NEK11: variants seen among roughly 807,000 people sequenced by gnomAD.
NEK11 encodes NIMA related kinase 11, also known as serine/threonine-protein kinase Nek11.
In NEK11, 72 loss-of-function variants were observed where a neutral mutation model predicts 80.7. The observed-to-expected ratio is 0.89, with a 90% CI of 0.74 to 1.08. NEK11 has a LOEUF of 1.08. Ranked by LOEUF, NEK11 falls within the 50% of genes least tolerant of loss-of-function variation. NEK11 has a pLI of 0.00. For synonymous variants in NEK11, 251 were observed against 260.7 expected, an observed-to-expected ratio of 0.96 and a Z score of 0.36; for missense variants, 764 against 763.6, an observed-to-expected ratio of 1.00 and a Z score of -0.01.
rs140489177 is a variant in NEK11 at position 131,042,725 on chromosome 3, G to A, written c.170+12847G>A. On this transcript the variant is annotated intron_variant, in intron 3 of 17. Transcript: ENST00000383366. Reference sequence around the variant, plus strand: ...CGTTCCTGCCTGCTGACTCTGAAGAGAGCAGCAGATTTCCCAGCACAGCAC... The same window carrying A: ...CGTTCCTGCCTGCTGACTCTGAAGAAAGCAGCAGATTTCCCAGCACAGCAC... 8.1e-3 allele frequency among the ~76,000 whole-genome samples: 1,239 copies of A among 152,302 alleles called. 22 individuals are homozygous for A. Among genetic ancestry groups the A allele is most frequent in the African/African-American group, 0.028 (1,171 of 41,566 alleles).
At chr3:131,071,452 T>G (rs1560262000) in intron 3 of NEK11, among the ~76,000 whole-genome samples, 2 of 151,884 alleles carry the variant, frequency 1.3e-5, no homozygotes, top group East Asian at 3.8e-4. Context: ...TGGCGAATCA[T>G]CCATTCCCCT....
intron 17 of NEK11, among the ~76,000 whole-genome samples, chr3:131,308,157 T>C (rs1227233195): frequency 1.3e-5 from 2 of 152,200 alleles, no homozygotes; most frequent in Admixed American, 1.3e-4. Context: ...CACCTCTTAA[T>C]CAAGGAGTGT....
intron 7 of NEK11, among the ~76,000 whole-genome samples, chr3:131,143,713 TATA>T (rs2087490231): frequency 6.6e-6 from 1 of 152,068 alleles, no homozygotes; most frequent in Non-Finnish European, 1.5e-5. Flanking sequence ...AAAATTGCTA[TATA>T]ATATTGTTCC....
At chr3:131,180,805 A>G (rs2150161487) in intron 14 of NEK11, among the ~76,000 whole-genome samples, 1 of 152,354 alleles carries the variant, frequency 6.6e-6, no homozygotes, top group Non-Finnish European at 1.5e-5. Flanking sequence ...GAGGTGTTCA[A>G]ATGTGCAATA....
chr3:131,229,439 C>T (rs371922798), intron 15 of NEK11, among the ~76,000 whole-genome samples: 4 of 152,032 alleles, frequency 2.6e-5, no homozygotes, highest in Non-Finnish European at 4.4e-5. Flanking sequence ...TCCTAAACTT[C>T]CATGAGTTAC....
At chr3:131,109,756 T>G (rs889862729) in intron 4 of NEK11, 47 bp from the exon 5 acceptor site, 2 of 1,536,004 alleles carry the variant, frequency 1.3e-6, no homozygotes, top group Non-Finnish European at 1.7e-6. Flanking sequence ...AACTTGATTT[T>G]AACATATTAG....
intron 14 of NEK11, among the ~76,000 whole-genome samples, chr3:131,179,588 T>G (rs2093234103): frequency 6.6e-6 from 1 of 152,224 alleles, no homozygotes; most frequent in Non-Finnish European, 1.5e-5. Flanking sequence ...TAACAATGTA[T>G]TATAAATAGA....
chr3:131,338,173 G>T (rs2097219741), intron 17 of NEK11, among the ~76,000 whole-genome samples: 2 of 151,682 alleles, frequency 1.3e-5, no homozygotes, highest in Non-Finnish European at 1.5e-5. Context: ...CACCATATTG[G>T]CCAGGATGGT....
chr3:131,080,705 C>T (rs1457741418), intron 4 of NEK11, 117 bp downstream of exon 4: 2 of 813,368 alleles, frequency 2.5e-6, no homozygotes, highest in Non-Finnish European at 1.9e-6. Context: ...CTGTAAAGAC[C>T]TGGGATCCCA....
At chr3:131,211,794 C>A (rs2094627105) in intron 14 of NEK11, among the ~76,000 whole-genome samples, 1 of 152,162 alleles carries the variant, frequency 6.6e-6, no homozygotes, top group African/African-American at 2.4e-5. Context: ...TCACGTAGTT[C>A]TTGTGCCATG....
intron 17 of NEK11, among the ~76,000 whole-genome samples, chr3:131,320,118 T>C (rs577449816): frequency 6.6e-6 from 1 of 152,210 alleles, no homozygotes; most frequent in African/African-American, 2.4e-5. Context: ...TTATCAAAAC[T>C]GTTTTACAAC....
At position 131,322,825 on chromosome 3, in the gene NEK11, G is replaced by A. The variant is rs368464435; in HGVS notation, c.1719-26732G>A. Among the ~76,000 whole-genome samples the A allele has an allele frequency of 3.8e-4, 58 of 152,284 alleles. 1 individual carries two copies. In the South Asian group the frequency reaches 0.011, roughly 29 times the overall value. Reference sequence around the variant, plus strand: ...ACTGAGCACTGATGAAGAGGCCCCCGCTCCCCTTCATTGTCCTTGCTCTCT... The same window carrying A: ...ACTGAGCACTGATGAAGAGGCCCCCACTCCCCTTCATTGTCCTTGCTCTCT... On this transcript the variant is annotated intron_variant, in intron 17 of 17. Coordinates refer to ENST00000383366, the MANE Select transcript of NEK11 (RefSeq NM_024800.5).
chr3:131,192,898 C>T (rs985417251), intron 14 of NEK11, among the ~76,000 whole-genome samples: 3 of 152,058 alleles, frequency 2.0e-5, no homozygotes, highest in African/African-American at 4.8e-5. Flanking sequence ...GTGTGGTAAT[C>T]GGCTGGTGTC....
At chr3:131,307,395 G>A (rs927547889) in intron 17 of NEK11, among the ~76,000 whole-genome samples, 1 of 152,154 alleles carries the variant, frequency 6.6e-6, no homozygotes, top group East Asian at 1.9e-4. Context: ...ATTTGTTCCC[G>A]AACTCTTTGT....
intron 17 of NEK11, among the ~76,000 whole-genome samples, chr3:131,312,054 A>G (rs985598710): frequency 5.9e-5 from 9 of 152,218 alleles, no homozygotes; most frequent in African/African-American, 1.7e-4. Flanking sequence ...CCAAGAAGAC[A>G]TGGGTTTTGT....
chr3:131,042,828 C>T (rs919849617), intron 3 of NEK11, among the ~76,000 whole-genome samples: 22 of 152,170 alleles, frequency 1.4e-4, no homozygotes, highest in African/African-American at 4.6e-4. Context: ...AGACACCTTC[C>T]AGCAGGGGTC....
intron 17 of NEK11, among the ~76,000 whole-genome samples, chr3:131,277,424 C>T (rs2096312450): frequency 6.6e-6 from 1 of 152,212 alleles, no homozygotes; most frequent in South Asian, 2.1e-4. Flanking sequence ...ACCACATCTG[C>T]CCCCTCCACA....
At chr3:131,250,154 A>C (rs1329726032) in intron 16 of NEK11, among the ~76,000 whole-genome samples, 1 of 152,032 alleles carries the variant, frequency 6.6e-6, no homozygotes, top group African/African-American at 2.4e-5. Flanking sequence ...TGGAAGATAA[A>C]AGTGAGGAAA....
At chr3:131,043,419 G>T (rs185489088) in intron 3 of NEK11, among the ~76,000 whole-genome samples, 70 of 152,272 alleles carry the variant, frequency 4.6e-4, no homozygotes, top group Non-Finnish European at 9.3e-4. Context: ...GAACACAAAT[G>T]ATGTGATGGA....
Sources: gnomAD v4.1 joint callset for allele counts (sites outside exome capture counted in the v4.1 genomes callset) on GRCh38, gnomAD v4.1.1 for gene constraint, MANE v1.5 for transcripts, NCBI Gene and HGNC (gene_info 2026-07-23, HGNC 2026-07-21) for gene names.